MNAT1: variants seen among roughly 807,000 people sequenced by gnomAD.
MNAT1 encodes MNAT1 component of CDK activating kinase, also known as CDK-activating kinase assembly factor MAT1.
In MNAT1, 43 loss-of-function variants were observed where a neutral mutation model predicts 42.0. The ratio of observed to expected loss-of-function variants is 1.02; its 90% CI spans 0.80 to 1.32. MNAT1 has a LOEUF of 1.32. Among genes scored for constraint, MNAT1 ranks in the 40% most tolerant of loss-of-function variants. The pLI is 0.00. For missense variants in MNAT1, 306 were observed against 350.4 expected, an observed-to-expected ratio of 0.87 and a Z score of 1.01; for synonymous variants, 118 against 120.0, an observed-to-expected ratio of 0.98 and a Z score of 0.11.
At chr14:60,943,616 CTT>C (rs35712843) in intron 7 of MNAT1, among the ~76,000 whole-genome samples, 18 of 150,386 alleles carry the variant, frequency 1.2e-4, no homozygotes, top group African/African-American at 1.2e-4. Flanking sequence ...ATTTGTTTCT[CTT>C]TTTTTTTTTA....
chr14:60,767,505 C>T (rs2030875834), intron 1 of MNAT1, among the ~76,000 whole-genome samples: 1 of 151,940 alleles, frequency 6.6e-6, no homozygotes, highest in African/African-American at 2.4e-5. Context: ...AAATAAAATC[C>T]AAGTGGTAAT....
chr14:60,830,264 A>G (rs1245355713), intron 6 of MNAT1, among the ~76,000 whole-genome samples: 1 of 152,198 alleles, frequency 6.6e-6, no homozygotes, highest in Non-Finnish European at 1.5e-5. Context: ...GTTTTCAGTC[A>G]GGAATTTTCT....
At chr14:60,769,092 C>G (rs2030949892) in intron 1 of MNAT1, among the ~76,000 whole-genome samples, 1 of 151,864 alleles carries the variant, frequency 6.6e-6, no homozygotes, top group African/African-American at 2.4e-5. Flanking sequence ...AAGTTTGAAC[C>G]CTCTATCTTT....
At chr14:60,883,487 G>A (rs2034595206) in intron 7 of MNAT1, among the ~76,000 whole-genome samples, 1 of 152,010 alleles carries the variant, frequency 6.6e-6, no homozygotes, top group Non-Finnish European at 1.5e-5. Flanking sequence ...TAGCTCTGTA[G>A]TATTTGAAGT....
At chr14:60,943,045 T>C (rs867593020) in intron 7 of MNAT1, among the ~76,000 whole-genome samples, 7 of 93,478 alleles carry the variant, frequency 7.5e-5, no homozygotes, top group Admixed American at 3.7e-4. Context: ...TGTGTGTGTG[T>C]GTGTGCGCTT....
At chr14:60,804,880 CTATT>C (rs2032320076) in intron 3 of MNAT1, among the ~76,000 whole-genome samples, 1 of 152,012 alleles carries the variant, frequency 6.6e-6, no homozygotes, top group Non-Finnish European at 1.5e-5. Flanking sequence ...TTTCTGGGCT[CTATT>C]TAATGGAAAA....
At chr14:60,820,718 C>T (rs894465488) in intron 6 of MNAT1, among the ~76,000 whole-genome samples, 1 of 152,114 alleles carries the variant, frequency 6.6e-6, no homozygotes. Context: ...CCTGGTGTCT[C>T]TATTCATCTG....
chr14:60,922,031 G>A (rs920409322), intron 7 of MNAT1, among the ~76,000 whole-genome samples: 2 of 152,098 alleles, frequency 1.3e-5, no homozygotes, highest in African/African-American at 4.8e-5. Flanking sequence ...TAATTTTACA[G>A]TAGAAACACC....
chr14:60,760,177 A>G (rs1045690081), intron 1 of MNAT1, among the ~76,000 whole-genome samples: 1 of 152,210 alleles, frequency 6.6e-6, no homozygotes, highest in African/African-American at 2.4e-5. Flanking sequence ...AAATGGAATC[A>G]TACTATACCT....
intron 7 of MNAT1, among the ~76,000 whole-genome samples, chr14:60,927,375 C>T (rs2035788279): frequency 6.6e-6 from 1 of 152,164 alleles, no homozygotes; most frequent in African/African-American, 2.4e-5. Context: ...GTAAAATTTA[C>T]ATACCACAAA....
chr14:60,928,810 A>G (rs987849944), intron 7 of MNAT1, among the ~76,000 whole-genome samples: 1 of 151,844 alleles, frequency 6.6e-6, no homozygotes, highest in African/African-American at 2.4e-5. Flanking sequence ...TATATATCTT[A>G]TAATTCTTTA....
At chr14:60,933,636 T>G (rs923268275) in intron 7 of MNAT1, among the ~76,000 whole-genome samples, 1 of 152,200 alleles carries the variant, frequency 6.6e-6, no homozygotes, top group Non-Finnish European at 1.5e-5. Flanking sequence ...CTTTGTTATT[T>G]AAGTAAAAAG....
chr14:60,761,866 G>A (rs2030612965), intron 1 of MNAT1, among the ~76,000 whole-genome samples: 1 of 151,980 alleles, frequency 6.6e-6, no homozygotes, highest in African/African-American at 2.4e-5. Context: ...TGTAAATAAT[G>A]GTTTTGTTTA....
At chr14:60,750,248 A>G (rs1230203387) in intron 1 of MNAT1, among the ~76,000 whole-genome samples, 11 of 148,546 alleles carry the variant, frequency 7.4e-5, no homozygotes, top group Non-Finnish European at 7.4e-5. Flanking sequence ...TTTTTTTGAG[A>G]CGGAATCTCG....
chr14:60,908,661 T>G (rs1467027515), intron 7 of MNAT1, among the ~76,000 whole-genome samples: 1 of 152,264 alleles, frequency 6.6e-6, no homozygotes, highest in East Asian at 1.9e-4. Flanking sequence ...CTCATCACTT[T>G]TTATGGCTGC....
chr14:60,781,428 T>G (rs1048291524), intron 1 of MNAT1, among the ~76,000 whole-genome samples: 3 of 152,152 alleles, frequency 2.0e-5, no homozygotes, highest in Admixed American at 6.5e-5. Context: ...TTGTGGCAAG[T>G]CTTTTAATAG....
At chr14:60,895,177 T>C (rs900961045) in intron 7 of MNAT1, among the ~76,000 whole-genome samples, 2 of 152,242 alleles carry the variant, frequency 1.3e-5, no homozygotes, top group African/African-American at 2.4e-5. Flanking sequence ...AAGTAAATCC[T>C]AAATTGAGTT....
At position 60,968,520 on chromosome 14, in the gene MNAT1, A is replaced by G; in HGVS notation, c.*171A>G. The G allele has an allele frequency of 6.8e-7, 1 of 1,463,438 alleles. No homozygotes were observed. Among genetic ancestry groups the G allele is most frequent in the Non-Finnish European group, 9.1e-7 (1 of 1,099,812 alleles). The allele number at this position is 1,463,438 out of a possible 1,614,324, so 90.7% of individuals were successfully genotyped here. On this transcript the variant is annotated 3_prime_UTR_variant, in exon 8 of 8. Coordinates refer to ENST00000261245, the MANE Select transcript of MNAT1 (RefSeq NM_002431.4). ...AACTAAGTTGAGTAATATAGGGGAT[A>G]TATATTTGTGAAAAATAATTTTTAC...
intron 6 of MNAT1, among the ~76,000 whole-genome samples, chr14:60,877,060 C>T (rs939802834): frequency 2.0e-5 from 3 of 152,040 alleles, no homozygotes; most frequent in African/African-American, 7.2e-5. Context: ...TAGCAATGCA[C>T]AAGAGTTCAG....
Sources: allele counts gnomAD v4.1 joint callset (sites outside exome capture counted in the v4.1 genomes callset), GRCh38; gene constraint gnomAD v4.1.1; transcripts MANE v1.5; gene names NCBI Gene and HGNC (gene_info 2026-07-23, HGNC 2026-07-21).